The following EMSY variants were observed in gnomAD, a reference collection of about 807,000 sequenced individuals.
EMSY encodes the protein EMSY transcriptional repressor, BRCA2 interacting.
A neutral mutation model predicts 134.6 loss-of-function variants in EMSY; 26 were observed. The ratio of observed to expected loss-of-function variants is 0.19; its 90% CI spans 0.14 to 0.27. The LOEUF is 0.27. EMSY is among the 10% of genes least tolerant of loss of function. The pLI is 1.00. For missense variants in EMSY, 1,305 were observed against 1,611.4 expected (o/e 0.81, Z 3.26); for synonymous variants, 579 against 577.8 (o/e 1.00, Z -0.03).
chr11:76,460,207 GAAGATTTTA>G, intron 6 of EMSY, 122 bp downstream of exon 7: 2 of 1,198,448 alleles, frequency 1.7e-6, no homozygotes, highest in Non-Finnish European at 2.4e-6. Flanking sequence ...GTTAGTTTTT[GAAGATTTTA>G]AAGAATTCCT....
chr11:76,518,701 ATAT>A (rs1459600340), intron 11 of EMSY, among the ~76,000 whole-genome samples: 38 of 120,476 alleles, frequency 3.2e-4, no homozygotes, highest in African/African-American at 1.0e-3. Context: ...ATATATATAT[ATAT>A]TTTTTTTTTA....
chr11:76,509,677 A>C (rs902482227), intron 9 of EMSY, among the ~76,000 whole-genome samples: 12 of 152,084 alleles, frequency 7.9e-5, no homozygotes, highest in African/African-American at 2.9e-4. Flanking sequence ...GTGGGGGGGA[A>C]AGCAAGGTGC....
chr11:76,505,362 ATT>A (rs372496170), intron 9 of EMSY, among the ~76,000 whole-genome samples: 6 of 126,724 alleles, frequency 4.7e-5, no homozygotes, highest in Admixed American at 8.1e-5. Flanking sequence ...CGCCCGGCTA[ATT>A]TTTTTTTTTT....
chr11:76,477,009 T>G (rs1378334963), intron 8 of EMSY, among the ~76,000 whole-genome samples: 3 of 152,114 alleles, frequency 2.0e-5, no homozygotes, highest in African/African-American at 4.8e-5. Context: ...TGTATTTTTT[T>G]CTGTCCTGAT....
At chr11:76,531,631 A>G (rs1364405596) in intron 14 of EMSY, among the ~76,000 whole-genome samples, 1 of 152,182 alleles carries the variant, frequency 6.6e-6, no homozygotes, top group African/African-American at 2.4e-5. Flanking sequence ...TTTCTCCACT[A>G]TGAAGTTAAC....
intron 9 of EMSY, among the ~76,000 whole-genome samples, chr11:76,509,112 A>T (rs904945164): frequency 2.6e-5 from 4 of 151,748 alleles, no homozygotes; most frequent in Non-Finnish European, 5.9e-5. Flanking sequence ...ATATAATAAT[A>T]AAAAAAAACT....
exon 20 of EMSY, chr11:76,546,073 G>A (rs760509059): frequency 1.1e-5 from 17 of 1,614,186 alleles, no homozygotes; most frequent in Non-Finnish European, 1.4e-5. Flanking sequence ...CACTGGTGAA[G>A]CAGGATCATT....
At chr11:76,457,185 G>A (rs1470404297) in intron 4 of EMSY, among the ~76,000 whole-genome samples, 1 of 152,046 alleles carries the variant, frequency 6.6e-6, no homozygotes, top group African/African-American at 2.4e-5. Flanking sequence ...CCACTAACAA[G>A]GGCTTTATAC....
intron 7 of EMSY, among the ~76,000 whole-genome samples, chr11:76,466,067 A>G (rs59685172): frequency 1.3e-5 from 2 of 152,262 alleles, no homozygotes; most frequent in African/African-American, 4.8e-5. Context: ...CATTCATGAT[A>G]TATATACTTT....
intron 11 of EMSY, among the ~76,000 whole-genome samples, chr11:76,519,900 A>G (rs971559876): frequency 6.6e-6 from 1 of 152,116 alleles, no homozygotes; most frequent in Non-Finnish European, 1.5e-5. Flanking sequence ...GGTCCTTCTG[A>G]TATGCTACGA....
intron 6 of EMSY, 155 bp downstream of exon 7, chr11:76,460,240 A>T: frequency 1.2e-6 from 1 of 856,566 alleles, no homozygotes; most frequent in East Asian, 2.5e-5. Flanking sequence ...TTTACATATG[A>T]CTAGGTATAT....
intron 8 of EMSY, among the ~76,000 whole-genome samples, chr11:76,473,882 C>G (rs560153843): frequency 6.6e-6 from 1 of 151,966 alleles, no homozygotes; most frequent in African/African-American, 2.4e-5. Context: ...GTAATCCCGG[C>G]TACTCGGGAG....
At chr11:76,493,069 C>A (rs1184785644) in intron 8 of EMSY, among the ~76,000 whole-genome samples, 2 of 152,152 alleles carry the variant, frequency 1.3e-5, no homozygotes, top group Admixed American at 6.5e-5. Flanking sequence ...GAAGCCCCCC[C>A]TTCCCTTGCA....
chr11:76,448,150 A>G (rs767069229), intron 2 of EMSY, among the ~76,000 whole-genome samples: 1 of 152,138 alleles, frequency 6.6e-6, no homozygotes, highest in Non-Finnish European at 1.5e-5. Flanking sequence ...GGCCCGTCAT[A>G]GTAAATCTTT....
chr11:76,515,946 A>T (rs1279576787), intron 10 of EMSY, among the ~76,000 whole-genome samples, 196 bp from the exon 12 acceptor site: 2 of 152,222 alleles, frequency 1.3e-5, no homozygotes, highest in Non-Finnish European at 2.9e-5. Context: ...AAATTAATTT[A>T]AATTGACTTG....
intron 20 of EMSY, 136 bp from the exon 22 acceptor site, chr11:76,549,816 A>G (rs1591042178): frequency 2.9e-6 from 2 of 691,080 alleles, no homozygotes; most frequent in Non-Finnish European, 4.8e-6. Flanking sequence ...CACCTTGCAC[A>G]GTGCCTGGCA....
chr11:76,546,555 T>C (rs1951661398), intron 20 of EMSY, among the ~76,000 whole-genome samples: 1 of 152,194 alleles, frequency 6.6e-6, no homozygotes, highest in African/African-American at 2.4e-5. Flanking sequence ...AGCCCATGTG[T>C]CAGTTTGATT....
chr11:76,493,546 A>G (rs1398182126), intron 8 of EMSY, among the ~76,000 whole-genome samples: 1 of 151,998 alleles, frequency 6.6e-6, no homozygotes, highest in Non-Finnish European at 1.5e-5. Flanking sequence ...ATTAGCATGC[A>G]CTTTCTCCCT....
chr11:76,502,213 GAA>G (rs1258520387), intron 9 of EMSY, among the ~76,000 whole-genome samples: 1 of 122,586 alleles, frequency 8.2e-6, no homozygotes, highest in African/African-American at 3.1e-5. Context: ...AAAGAATAAG[GAA>G]AAAGACAGTG....
Sources: gnomAD v4.1 joint callset for allele counts (sites outside exome capture counted in the v4.1 genomes callset) on GRCh38, gnomAD v4.1.1 for gene constraint, MANE v1.5 for transcripts, NCBI Gene and HGNC (gene_info 2026-07-23, HGNC 2026-07-21) for gene names.